The following BAIAP3 variants were observed in gnomAD, a reference collection of about 807,000 sequenced individuals.
BAIAP3 encodes the protein BAI1 associated protein 3.
BAIAP3 carries 180 observed loss-of-function variants against 149.7 expected under a neutral mutation model. That is an observed-to-expected ratio of 1.20 (90% CI 1.07 to 1.36). The LOEUF (loss-of-function observed/expected upper bound fraction) is 1.36. Ranked by LOEUF, BAIAP3 falls within the 40% of genes most tolerant of loss-of-function variation. The pLI is 0.00. For missense variants in BAIAP3, 1,767 were observed against 1,563.4 expected, an observed-to-expected ratio of 1.13 and a Z score of -2.20; for synonymous variants, 845 against 670.7, an observed-to-expected ratio of 1.26 and a Z score of -4.02.
chr16:1,343,413 G>A lies in BAIAP3; in HGVS notation c.1286G>A (p.Arg429His), dbSNP rs545400434. ...CACAGGCACTGGCAGGTCAGCAGCC[G>A]CCACCATCAAACCTGCACGCTGGAC... is the stretch of plus-strand genomic sequence containing the variant. ...LAVLHWQVSSRHHQTCTLDYS... is the reference protein window; with the variant it reads ...LAVLHWQVSSHHHQTCTLDYS... Residue 429 changes from arginine to histidine, a missense_variant, in exon 15 of 34, where the codon CGC becomes CAC. By Grantham distance (29) the Arg-to-His change is conservative. Transcript: ENST00000426824. 21 of 1,569,288 alleles carry A rather than the reference G, an allele frequency of 1.3e-5. No homozygotes were observed. Among genetic ancestry groups the A allele is most frequent in the Middle Eastern group, 4.5e-4 (2 of 4,466 alleles).
chr16:1,334,602 G>T, intron 1 of BAIAP3: 11 of 1,494,290 alleles, frequency 7.4e-6, no homozygotes, highest in Non-Finnish European at 9.1e-6. Context: ...CTGAGGCTTC[G>T]GGGAGCCCAA....
chr16:1,348,306 G>GCA lies in BAIAP3; in HGVS notation c.3355+5_3355+6insCA. 6.2e-7 allele frequency: 1 copy of GCA among 1,601,720 alleles called. No individual in the cohort carries two copies. ...TGTGCCGGCCCAGAGCCCAGGGTGA[G>GCA]TGAGCATCTGGGTGGAGGCAGGGGC... On this transcript the variant is annotated splice_donor_region_variant and intron_variant, in intron 33 of 33. Coordinates refer to ENST00000426824, the MANE Select transcript of BAIAP3 (RefSeq NM_001199097.2).
Position 1,341,409 on chromosome 16 carries a change from A to G in BAIAP3, c.651A>G (p.Gly217=). The G allele has an allele frequency of 6.2e-7, 1 of 1,612,642 alleles. No individual in the cohort carries two copies. Among genetic ancestry groups the G allele is most frequent in the Non-Finnish European group, 8.5e-7 (1 of 1,179,906 alleles). Residue 217 remains glycine, a synonymous_variant, in exon 8 of 34, where the codon GGA becomes GGG. Transcript: ENST00000426824. ...FGFRKGSKRG[G]PLPAKCIQVT... is the part of the protein sequence containing the mutation. The stretch of plus-strand genomic sequence containing the variant: ...TCCGCAAGGGCAGCAAGCGCGGTGG[A>G]CCCCTGCCTGCCAAGTGCATCCAGG...
Position 1,344,681 on chromosome 16 carries a change from C to G in BAIAP3, c.1740C>G (p.Tyr580Ter). The G allele has an allele frequency of 6.2e-7, 1 of 1,613,464 alleles. No homozygotes were observed. The highest frequency in any genetic ancestry group is 8.5e-7 in the Non-Finnish European group (1 of 1,180,010). Reference protein sequence around the residue: ...YDDLQFCYSVYASLFHSILNV... With the variant: ...YDDLQFCYSV Reference sequence around the variant, plus strand: ...ACCTTCAGTTCTGCTACAGTGTGTACGCCAGCCTCTTCCACAGGTGGGCCT... The same window carrying G: ...ACCTTCAGTTCTGCTACAGTGTGTAGGCCAGCCTCTTCCACAGGTGGGCCT... Residue 580 changes from tyrosine (Y) to a stop codon, truncating the protein, a stop_gained, in exon 19 of 34, where the codon TAC becomes TAG. Transcript: ENST00000426824. LOFTEE classifies it high-confidence loss of function.
At chr16:1,346,390 G>GCCAC (rs1464822674) in intron 25 of BAIAP3, 29 bp downstream of exon 25, 1 of 1,611,286 alleles carries the variant, frequency 6.2e-7, no homozygotes, top group East Asian at 2.2e-5. Flanking sequence ...CCAAGGCGTG[G>GCCAC]AGGCAGTCCC....
At position 1,347,384 on chromosome 16, in the gene BAIAP3, T is replaced by C; in HGVS notation, c.2823+15T>C. The stretch of plus-strand genomic sequence containing the variant: ...GAAGCTACAAGGTGAGGTGGGACCC[T>C]CTGTGGGGCGGGGGTGTGGATGAGG... On this transcript the variant is annotated intron_variant, in intron 29 of 33. Transcript: ENST00000426824. The C allele has an allele frequency of 2.5e-6, 4 of 1,612,668 alleles. No individual in the cohort carries two copies. Among genetic ancestry groups the C allele is most frequent in the Non-Finnish European group, 3.4e-6 (4 of 1,179,574 alleles).
rs147709691 is a variant in BAIAP3 at position 1,339,505 on chromosome 16, C to T, written c.310C>T (p.Leu104Phe). 252 of 1,609,266 alleles carry T rather than the reference C, an allele frequency of 1.6e-4. No homozygotes were observed. Among genetic ancestry groups the T allele is most frequent in the Non-Finnish European group, 2.1e-4 (246 of 1,177,296 alleles). Residue 104 changes from leucine to phenylalanine, a missense_variant, in exon 5 of 34, where the codon CTC (leucine) becomes TTC (phenylalanine). By Grantham distance (22) the Leu-to-Phe change is conservative. Transcript: ENST00000426824. The part of the protein sequence containing the change: ...RALAPEEVEM[L>F]YEEALYTVLY... ...CTTCCCCCACCTGCAGGTGGAGATGCTCTACGAGGAGGCCCTGTACACGGT... is the reference window on the plus strand; with the variant it reads ...CTTCCCCCACCTGCAGGTGGAGATGTTCTACGAGGAGGCCCTGTACACGGT...
In BAIAP3 at chr16:1,343,438, C is replaced by T; in HGVS notation, c.1311C>T (p.Asp437=). 6.3e-7 allele frequency: 1 copy of T among 1,584,436 alleles called. No homozygotes were observed. Among genetic ancestry groups the T allele is most frequent in the Non-Finnish European group, 8.6e-7 (1 of 1,167,144 alleles). The part of the protein sequence containing the change: ...SSRHHQTCTL[D]YSYLLGLLED... ...GCCACCATCAAACCTGCACGCTGGA[C>T]TACAGCTACCTGCTGGGGCTGCTGG... Residue 437 remains aspartate, a synonymous_variant, in exon 15 of 34, where the codon GAC becomes GAT. Coordinates refer to ENST00000426824, the MANE Select transcript of BAIAP3 (RefSeq NM_001199097.2).
At chr16:1,341,644 G>A (rs114831212) in intron 8 of BAIAP3, among the ~76,000 whole-genome samples, 155 bp downstream of exon 8, 3,417 of 152,334 alleles carry the variant, frequency 0.022, 148 homozygotes, top group African/African-American at 0.077. Flanking sequence ...AGAGATGGGC[G>A]TTGTGCCACC....
In BAIAP3 at chr16:1,348,401, G is replaced by A. The variant is rs1487346263; in HGVS notation, c.3378G>A (p.Leu1126=). The A allele has an allele frequency of 2.5e-6, 4 of 1,612,534 alleles. No homozygotes were observed. The Admixed American group carries it at 6.7e-5, about 27-fold the overall frequency. ...RAQVRSALRR[L]EGRTSKEAQE... ...CAGTGAGATCTGCGCTGAGGAGGCT[G>A]GAAGGCCGCACCAGCAAGGAGGCGC... The change falls in exon 34 of 34, where the codon CTG becomes CTA. Residue 1126 remains leucine, a synonymous_variant. Coordinates refer to ENST00000426824, the MANE Select transcript of BAIAP3 (RefSeq NM_001199097.2).
chr16:1,347,197 G>A, intron 28 of BAIAP3, 101 bp from the exon 29 acceptor site: 1 of 1,248,694 alleles, frequency 8.0e-7, no homozygotes, highest in Non-Finnish European at 1.1e-6. Flanking sequence ...CTTGGCTGCT[G>A]AGCCCCCAGT....
chr16:1,341,763 C>T, intron 8 of BAIAP3, 59 bp from the exon 9 acceptor site: 1 of 1,568,520 alleles, frequency 6.4e-7, no homozygotes, highest in African/African-American at 1.4e-5. Flanking sequence ...GACTCCCTGA[C>T]CCCGGCCTGG....
At position 1,347,611 on chromosome 16, in the gene BAIAP3, G is replaced by C. The variant is rs1409818912; in HGVS notation, c.2890G>C (p.Asp964His). Residue 964 changes from aspartate (D) to histidine (H), a missense_variant, in exon 30 of 34, where the codon GAC (aspartate) becomes CAC (histidine). By Grantham distance (81) the Asp-to-His change is moderately conservative. Coordinates refer to ENST00000426824, the MANE Select transcript of BAIAP3 (RefSeq NM_001199097.2). ...TRECIEQFYL[D>H]KLKQRTLEQN... The stretch of plus-strand genomic sequence containing the variant: ...CGAGTGCATCGAGCAGTTCTACCTG[G>C]ACAAGCTCAAACAGGTAGGGAGGCG... The C allele has an allele frequency of 6.2e-7, 1 of 1,612,948 alleles. No homozygotes were observed. The highest frequency in any genetic ancestry group is 8.5e-7 in the Non-Finnish European group (1 of 1,179,986).
chr16:1,347,976 G>C lies in BAIAP3; in HGVS notation c.3108G>C (p.Lys1036Asn). The C allele has an allele frequency of 6.2e-7, 1 of 1,611,586 alleles. No individual in the cohort carries two copies. Among genetic ancestry groups the C allele is most frequent in the South Asian group, 1.1e-5 (1 of 91,090 alleles). ...TCCGCAGCCAGAGGACCCAGGTGAA[G>C]ACCCGGACGCTGCACCCTGTATACG... ...PLVRSQRTQV[K>N]TRTLHPVYDE... is the part of the protein sequence containing the mutation. The change falls in exon 32 of 34, where the codon AAG becomes AAC. Residue 1036 changes from lysine (K) to asparagine (N), a missense_variant. Coordinates refer to ENST00000426824, the MANE Select transcript of BAIAP3 (RefSeq NM_001199097.2).
At chr16:1,342,319 A>G in intron 11 of BAIAP3, 36 bp downstream of exon 11, 1 of 1,597,728 alleles carries the variant, frequency 6.3e-7, no homozygotes, top group East Asian at 2.2e-5. Context: ...TGACACTTAG[A>G]GAAGGGCCTG....
chr16:1,348,248 G>C lies in BAIAP3; in HGVS notation c.3302G>C (p.Gly1101Ala), dbSNP rs779446694. The C allele has an allele frequency of 6.9e-6, 11 of 1,604,468 alleles. No homozygotes were observed. Among genetic ancestry groups the C allele is most frequent in the Admixed American group, 1.7e-5 (1 of 59,366 alleles). The stretch of plus-strand genomic sequence containing the variant: ...GTCGCCCGGCCCCAGGTGGGCGGGG[G>C]TGCAAGGGCTGGGCAGCCTGTCACC... ...TGVARPQVGG[G>A]ARAGQPVTLH... The change falls in exon 33 of 34, where the codon GGT (glycine) becomes GCT (alanine). Residue 1101 changes from glycine to alanine, a missense_variant. Coordinates refer to ENST00000426824, the MANE Select transcript of BAIAP3 (RefSeq NM_001199097.2).
Position 1,347,576 on chromosome 16 carries a change from G to T in BAIAP3, c.2855G>T (p.Cys952Phe). 6.2e-7 allele frequency: 1 copy of T among 1,612,422 alleles called. No individual in the cohort carries two copies. The highest frequency in any genetic ancestry group is 1.1e-5 in the South Asian group (1 of 91,024). The change falls in exon 30 of 34, where the codon TGT (cysteine) becomes TTT (phenylalanine). Residue 952 changes from cysteine (C) to phenylalanine (F), a missense_variant. Physicochemically the swap from Cys to Phe is radical, Grantham distance 205. Transcript: ENST00000426824. ...RLKEELRLHK[C>F]STRECIEQFY... ...AAGGAGGAGCTGCGGCTGCACAAATGTTCCACCCGCGAGTGCATCGAGCAG... is the reference window on the plus strand; with the variant it reads ...AAGGAGGAGCTGCGGCTGCACAAATTTTCCACCCGCGAGTGCATCGAGCAG...
rs2034350881 is a variant in BAIAP3 at position 1,346,193 on chromosome 16, G to A, written c.2325G>A (p.Val775=). The change falls in exon 25 of 34, where the codon GTG becomes GTA. Residue 775 remains valine (V), a synonymous_variant. Coordinates refer to ENST00000426824, the MANE Select transcript of BAIAP3 (RefSeq NM_001199097.2). ...AGCTCTGCGTGGTCCTCAACAATGT[G>A]GAGCTCGTGCGCAAGGCTGCTGGGC... The part of the protein sequence containing the change: ...SEALCVVLNN[V]ELVRKAAGQA... 6.2e-7 allele frequency: 1 copy of A among 1,611,898 alleles called. No individual in the cohort carries two copies.
At chr16:1,345,933 G>A (rs1207789432) in intron 23 of BAIAP3, 43 bp downstream of exon 23, 2 of 1,583,868 alleles carry the variant, frequency 1.3e-6, no homozygotes, top group African/African-American at 2.7e-5. Context: ...GGGTGGGAGA[G>A]GAGATGGGGC....
Sources: gnomAD v4.1 joint callset for allele counts (sites outside exome capture counted in the v4.1 genomes callset) on GRCh38, gnomAD v4.1.1 for gene constraint, MANE v1.5 for transcripts, NCBI Gene and HGNC (gene_info 2026-07-23, HGNC 2026-07-21) for gene names.